XPO6: variants seen among roughly 807,000 people sequenced by gnomAD.
The protein encoded by XPO6 is exportin-6.
Under a neutral mutation model 130.0 loss-of-function variants are expected in XPO6, and 3 were observed. The observed-to-expected ratio is 0.02, with a 90% CI of 0.01 to 0.06. The LOEUF is 0.06. Ranked by LOEUF, XPO6 falls within the 10% of genes least tolerant of loss-of-function variation. The probability of loss-of-function intolerance (pLI) is 1.00; values close to 1 mark genes in which losing one functional copy is unlikely to be tolerated. For synonymous variants in XPO6, 524 were observed against 548.9 expected, an observed-to-expected ratio of 0.95 and a Z score of 0.63; for missense variants, 970 against 1,393.0, an observed-to-expected ratio of 0.70 and a Z score of 4.83.
At chr16:28,112,090 C>A in intron 16 of XPO6, 84 bp from the exon 17 acceptor site, 1 of 1,455,128 alleles carries the variant, frequency 6.9e-7, no homozygotes, top group Admixed American at 2.1e-5. Context: ...TCAGCACCCG[C>A]TGGCTGCACA....
chr16:28,139,013 G>T (rs2042835074), intron 9 of XPO6, among the ~76,000 whole-genome samples: 1 of 152,212 alleles, frequency 6.6e-6, no homozygotes, highest in Non-Finnish European at 1.5e-5. Context: ...AATGCTCCAT[G>T]AGGTTCCTCT....
At chr16:28,116,963 G>C in intron 15 of XPO6, 1 of 209,680 alleles carries the variant, frequency 4.8e-6, no homozygotes. Context: ...CGCAATAAAG[G>C]GAAGTGCAAT....
chr16:28,104,503 G>A, intron 21 of XPO6, 43 bp downstream of exon 21: 3 of 1,610,930 alleles, frequency 1.9e-6, no homozygotes, highest in Middle Eastern at 1.8e-4. Context: ...GCAGTGGTCA[G>A]GTTAGAGGAA....
intron 12 of XPO6, among the ~76,000 whole-genome samples, chr16:28,131,791 T>C (rs1432105338): frequency 6.6e-6 from 1 of 152,214 alleles, no homozygotes; most frequent in Non-Finnish European, 1.5e-5. Context: ...ATGGAAGCTA[T>C]TACTATTATT....
At chr16:28,149,514 C>A (rs1326998325) in intron 8 of XPO6, among the ~76,000 whole-genome samples, 2 of 151,958 alleles carry the variant, frequency 1.3e-5, no homozygotes, top group Non-Finnish European at 2.9e-5. Context: ...TTCAAGATAA[C>A]CCCTGTATTT....
At chr16:28,167,312 C>A in intron 5 of XPO6, 3 of 985,442 alleles carry the variant, frequency 3.0e-6, no homozygotes, top group Non-Finnish European at 3.6e-6. Context: ...CACAAACCTG[C>A]CACCAATCCT....
intron 1 of XPO6, among the ~76,000 whole-genome samples, chr16:28,200,937 T>C (rs2043944425): frequency 6.6e-6 from 1 of 152,038 alleles, no homozygotes; most frequent in African/African-American, 2.4e-5. Flanking sequence ...AACACAGACC[T>C]TTTCTCTCTC....
intron 1 of XPO6, among the ~76,000 whole-genome samples, chr16:28,190,520 A>G (rs1328065553): frequency 6.6e-6 from 1 of 152,162 alleles, no homozygotes; most frequent in Non-Finnish European, 1.5e-5. Context: ...CAGCGTGCCC[A>G]GCCTGGTTTC....
intron 6 of XPO6, among the ~76,000 whole-genome samples, chr16:28,157,162 A>AT (rs879593839): frequency 6.6e-6 from 1 of 152,198 alleles, no homozygotes; most frequent in Non-Finnish European, 1.5e-5. Context: ...CAAAATTAAG[A>AT]TTTTCTAATC....
chr16:28,146,695 A>T (rs2042988904), intron 8 of XPO6, among the ~76,000 whole-genome samples: 2 of 152,210 alleles, frequency 1.3e-5, no homozygotes, highest in African/African-American at 2.4e-5. Context: ...GAATGTAAGG[A>T]AAGTAACACT....
At chr16:28,152,052 T>C (rs1261995345) in intron 8 of XPO6, among the ~76,000 whole-genome samples, 1 of 148,442 alleles carries the variant, frequency 6.7e-6, no homozygotes, top group African/African-American at 2.5e-5. Flanking sequence ...TAAAGCCACA[T>C]ATATAATTTT....
At chr16:28,110,209 C>A (rs1471976353) in intron 17 of XPO6, among the ~76,000 whole-genome samples, 1 of 152,218 alleles carries the variant, frequency 6.6e-6, no homozygotes, top group Non-Finnish European at 1.5e-5. Context: ...AGTGCCTGCA[C>A]ACAGTCAGCA....
At chr16:28,172,448 T>G (rs755874862) in intron 4 of XPO6, among the ~76,000 whole-genome samples, 13 of 152,098 alleles carry the variant, frequency 8.5e-5, no homozygotes, top group Non-Finnish European at 1.6e-4. Context: ...CCCTTAAGTC[T>G]CTAGCCCCAC....
chr16:28,177,295 G>C lies in XPO6; in HGVS notation c.132C>G (p.Ala44=). Residue 44 remains alanine, a synonymous_variant, in exon 3 of 24, where the codon GCC becomes GCG. Transcript: ENST00000304658. ...LLNNFAQQIG[A]WRFCLYFLSS... is the part of the protein sequence containing the mutation. ...AGAGAAAGTACAGGCAGAATCTCCA[G>C]GCTCCTATTTGCTGGGCAAAGTTAT... 1 of 1,613,050 alleles carries C rather than the reference G, an allele frequency of 6.2e-7. No homozygotes were observed.
chr16:28,167,788 T>C (rs1414786036), intron 5 of XPO6, among the ~76,000 whole-genome samples: 1 of 152,190 alleles, frequency 6.6e-6, no homozygotes, highest in African/African-American at 2.4e-5. Context: ...TGAATAAATC[T>C]TGAAAGCATT....
chr16:28,172,587 T>G (rs1368431099), intron 4 of XPO6, among the ~76,000 whole-genome samples: 3 of 152,020 alleles, frequency 2.0e-5, no homozygotes, highest in Non-Finnish European at 4.4e-5. Context: ...CGGTTTCAAT[T>G]TCGATTACTT....
rs2043358412 is a variant in XPO6, at chr16:28,166,541, T to G, written c.610A>C (p.Thr204Pro). 6.3e-7 allele frequency: 1 copy of G among 1,593,040 alleles called. No homozygotes were observed. The change falls in exon 6 of 24, where the codon ACT (threonine) becomes CCT (proline). Residue 204 changes from threonine (T) to proline (P), a missense_variant. Coordinates refer to ENST00000304658, the MANE Select transcript of XPO6 (RefSeq NM_015171.4). ...CCTGAGGTCGGGGATGGTGGTGGAGTGGCAGCAGTAACACTGTGTTTGTCC... is the reference window on the plus strand; with the variant it reads ...CCTGAGGTCGGGGATGGTGGTGGAGGGGCAGCAGTAACACTGTGTTTGTCC... ...VWDKHSVTAA[T>P]PPPSPTSGES...
chr16:28,113,171 T>C (rs1341051845), intron 15 of XPO6, 121 bp from the exon 16 acceptor site: 10 of 1,262,054 alleles, frequency 7.9e-6, no homozygotes, highest in Non-Finnish European at 1.1e-5. Flanking sequence ...ACCTAGGCCC[T>C]ATCTAGCTCA....
chr16:28,206,655 T>C (rs1247345658), intron 1 of XPO6, among the ~76,000 whole-genome samples: 1 of 152,250 alleles, frequency 6.6e-6, no homozygotes, highest in Non-Finnish European at 1.5e-5. Context: ...ATTTTGGTTT[T>C]ATCAGGTGAT....
Sources: allele counts gnomAD v4.1 joint callset (sites outside exome capture counted in the v4.1 genomes callset), GRCh38; gene constraint gnomAD v4.1.1; transcripts MANE v1.5; gene names NCBI Gene and HGNC (gene_info 2026-07-23, HGNC 2026-07-21).